Variants in MAML3 observed in about 807,000 individuals in gnomAD.
MAML3 encodes mastermind-like protein 3.
A neutral mutation model predicts 101.9 loss-of-function variants in MAML3; 27 were observed. The observed-to-expected ratio is 0.27, with a 90% CI of 0.20 to 0.37. The LOEUF (loss-of-function observed/expected upper bound fraction) is 0.37. Among genes scored for constraint, MAML3 ranks in the 10% least tolerant of loss-of-function variants. The pLI is 1.00. For missense variants in MAML3, 1,316 were observed against 1,444.9 expected, an observed-to-expected ratio of 0.91 and a Z score of 1.45; for synonymous variants, 501 against 555.9, an observed-to-expected ratio of 0.90 and a Z score of 1.39.
chr4:139,881,476 AC>A (rs1239238088), intron 2 of MAML3, among the ~76,000 whole-genome samples: 1 of 152,134 alleles, frequency 6.6e-6, no homozygotes, highest in South Asian at 2.1e-4. Context: ...CAATCTACAA[AC>A]ATTGACCCAG....
intron 1 of MAML3, among the ~76,000 whole-genome samples, chr4:140,011,668 G>A (rs1421109138): frequency 1.3e-5 from 2 of 152,150 alleles, no homozygotes; most frequent in Non-Finnish European, 2.9e-5. Context: ...ATGGGAGGTT[G>A]AGGAGTGGTT....
At chr4:139,870,405 C>T (rs1731985632) in intron 2 of MAML3, among the ~76,000 whole-genome samples, 1 of 152,164 alleles carries the variant, frequency 6.6e-6, no homozygotes, top group Admixed American at 6.5e-5. Context: ...TTGAGAACCA[C>T]TGCTTTAGAT....
chr4:140,104,369 TA>T (rs368412556), intron 1 of MAML3, among the ~76,000 whole-genome samples: 3 of 5,052 alleles, frequency 5.9e-4, no homozygotes, highest in Non-Finnish European at 2.3e-3. Flanking sequence ...ATTTTATATA[TA>T]TATATAATAT....
chr4:139,980,447 T>C (rs1734424939), intron 1 of MAML3, among the ~76,000 whole-genome samples: 1 of 152,184 alleles, frequency 6.6e-6, no homozygotes, highest in South Asian at 2.1e-4. Context: ...CTAGCCTCCA[T>C]TCCTGGTTTA....
intron 2 of MAML3, among the ~76,000 whole-genome samples, chr4:139,846,092 C>T (rs540802308): frequency 8.5e-5 from 13 of 152,144 alleles, no homozygotes; most frequent in African/African-American, 1.2e-4. Context: ...GCTTTCTCCT[C>T]GGCTTATGAG....
intron 1 of MAML3, among the ~76,000 whole-genome samples, chr4:140,013,990 G>A (rs966035160): frequency 6.6e-6 from 1 of 152,214 alleles, no homozygotes; most frequent in Non-Finnish European, 1.5e-5. Context: ...TTGAGAATGG[G>A]ATGAGGCTTC....
chr4:139,746,589 C>A (rs556650830), intron 2 of MAML3, among the ~76,000 whole-genome samples: 1 of 152,138 alleles, frequency 6.6e-6, no homozygotes, highest in Non-Finnish European at 1.5e-5. Context: ...GCAAATCTCC[C>A]CATCTGTCTC....
chr4:139,926,747 C>T (rs1733270787), intron 1 of MAML3, among the ~76,000 whole-genome samples: 2 of 152,188 alleles, frequency 1.3e-5, no homozygotes, highest in Admixed American at 1.3e-4. Context: ...ATTCTTCACA[C>T]CACTTCCCTC....
intron 1 of MAML3, among the ~76,000 whole-genome samples, chr4:140,113,771 T>C (rs931725172): frequency 6.6e-6 from 1 of 152,188 alleles, no homozygotes; most frequent in African/African-American, 2.4e-5. Flanking sequence ...ACCCTGCAGC[T>C]AGGATACCTA....
chr4:139,986,950 A>T (rs1319938834), intron 1 of MAML3, among the ~76,000 whole-genome samples: 1 of 152,196 alleles, frequency 6.6e-6, no homozygotes, highest in Non-Finnish European at 1.5e-5. Context: ...TTCACCATGG[A>T]CAGTAATCAA....
chr4:139,907,947 C>A lies in MAML3; in HGVS notation c.469-16980G>T, dbSNP rs1337354806. Among the ~76,000 whole-genome samples, 3 of 152,162 alleles carry A rather than the reference C, an allele frequency of 2.0e-5. No individual in the cohort carries two copies. The East Asian group carries it at 5.8e-4, about 29-fold the overall frequency. ...CAGGTTACATATAGAAGCCGTCTAC[C>A]TTTTCTGGGTGTCCACATTGCATGT... On this transcript the variant is annotated intron_variant, in intron 1 of 4. Transcript: ENST00000509479.
At chr4:140,065,863 A>G (rs1002888187) in intron 1 of MAML3, among the ~76,000 whole-genome samples, 5 of 152,216 alleles carry the variant, frequency 3.3e-5, no homozygotes, top group African/African-American at 1.2e-4. Context: ...AGGAAGGTCC[A>G]TAAGGAAACA....
chr4:139,802,721 G>C (rs572798179), intron 2 of MAML3, among the ~76,000 whole-genome samples: 2 of 152,296 alleles, frequency 1.3e-5, no homozygotes, highest in East Asian at 3.9e-4. Flanking sequence ...GGTCAAGTCT[G>C]GGCTGTGCTG....
intron 1 of MAML3, among the ~76,000 whole-genome samples, chr4:140,012,781 G>A (rs554662421): frequency 2.0e-5 from 3 of 152,142 alleles, no homozygotes; most frequent in Non-Finnish European, 4.4e-5. Flanking sequence ...GATATCCAAT[G>A]AGACAACTGC....
intron 1 of MAML3, among the ~76,000 whole-genome samples, chr4:140,046,589 G>A (rs1727186344): frequency 6.6e-6 from 1 of 152,044 alleles, no homozygotes; most frequent in Non-Finnish European, 1.5e-5. Context: ...TCTGGTCTTC[G>A]TTACGTAACA....
In MAML3 at chr4:139,885,237, C is replaced by T. The variant is rs980138770; in HGVS notation, c.2079+4120G>A. Among the ~76,000 whole-genome samples, 3 of 151,410 alleles carry T rather than the reference C, an allele frequency of 2.0e-5. No homozygotes were observed. In the South Asian group the frequency reaches 6.2e-4, roughly 31 times the overall value. On this transcript the variant is annotated intron_variant, in intron 2 of 4. Transcript: ENST00000509479. The stretch of plus-strand genomic sequence containing the variant: ...GCAACATAGTGAGACCTTGTCTCTA[C>T]TGAAAATTAAAAAAAAAAAATTAGC...
At chr4:140,105,916 A>C (rs1728342991) in intron 1 of MAML3, among the ~76,000 whole-genome samples, 1 of 152,136 alleles carries the variant, frequency 6.6e-6, no homozygotes, top group Non-Finnish European at 1.5e-5. Flanking sequence ...CGAGGTGGCT[A>C]TAGCTTTCCA....
intron 2 of MAML3, among the ~76,000 whole-genome samples, chr4:139,812,688 A>C (rs1043022907): frequency 8.5e-5 from 13 of 152,180 alleles, no homozygotes; most frequent in Non-Finnish European, 1.9e-4. Context: ...TATCTAGGGA[A>C]ATTAACCAGC....
chr4:139,784,112 A>G (rs1373231934), intron 2 of MAML3, among the ~76,000 whole-genome samples: 1 of 152,118 alleles, frequency 6.6e-6, no homozygotes, highest in Non-Finnish European at 1.5e-5. Context: ...AGAAGAAAGG[A>G]CCCTTGGTTC....
Sources: allele counts gnomAD v4.1 joint callset (sites outside exome capture counted in the v4.1 genomes callset), GRCh38; gene constraint gnomAD v4.1.1; transcripts MANE v1.5; gene names NCBI Gene and HGNC (gene_info 2026-07-23, HGNC 2026-07-21).